PALLD: variants seen among roughly 807,000 people sequenced by gnomAD.
PALLD encodes the protein palladin.
Under a neutral mutation model 123.5 loss-of-function variants are expected in PALLD, and 61 were observed. The ratio of observed to expected loss-of-function variants is 0.49; its 90% CI spans 0.40 to 0.61. The LOEUF (loss-of-function observed/expected upper bound fraction) is 0.61, where lower values mean the gene tolerates loss of function less well. Ranked by LOEUF, PALLD falls within the 20% of genes least tolerant of loss-of-function variation. The probability of loss-of-function intolerance (pLI) is 0.00; values close to 1 mark genes in which losing one functional copy is unlikely to be tolerated. For missense variants in PALLD, 1,273 were observed against 1,377.0 expected, an observed-to-expected ratio of 0.92 and a Z score of 1.20; for synonymous variants, 465 against 496.4, an observed-to-expected ratio of 0.94 and a Z score of 0.84.
chr4:168,538,118 T>C (rs1179157600), intron 2 of PALLD, among the ~76,000 whole-genome samples: 3 of 152,244 alleles, frequency 2.0e-5, no homozygotes, highest in Non-Finnish European at 4.4e-5. Flanking sequence ...CATAAGTATA[T>C]ACTGAAGTAT....
At chr4:168,640,257 C>T (rs1044710348) in intron 2 of PALLD, among the ~76,000 whole-genome samples, 6 of 152,288 alleles carry the variant, frequency 3.9e-5, no homozygotes, top group Admixed American at 6.5e-5. Context: ...AGAACTTTTC[C>T]GATTGAGCTT....
chr4:168,714,164 T>C (rs1399901695), intron 10 of PALLD, among the ~76,000 whole-genome samples: 2 of 152,146 alleles, frequency 1.3e-5, no homozygotes, highest in African/African-American at 2.4e-5. Flanking sequence ...GGATGCTTGA[T>C]GTGACAATTC....
chr4:168,916,061 C>T (rs1760016931), intron 17 of PALLD, 34 bp downstream of exon 17: 2 of 1,589,346 alleles, frequency 1.3e-6, no homozygotes, highest in Non-Finnish European at 1.7e-6. Context: ...TATCCTATTG[C>T]CCCACTTCTC....
intron 9 of PALLD, among the ~76,000 whole-genome samples, chr4:168,709,543 GA>G (rs1784548291): frequency 1.4e-3 from 1 of 696 alleles, no homozygotes; most frequent in African/African-American, 2.8e-3. Flanking sequence ...AGGAAGGAAG[GA>G]AGGAAGGAAG....
rs190471459 is a variant in PALLD, at chr4:168,639,755, A to G, written c.909-28435A>G. On this transcript the variant is annotated intron_variant, in intron 2 of 21. Transcript: ENST00000505667. ...GAGACGGGGTTTCACCGTGTTAGCC[A>G]GGATGGTCTCGATCTTCTGACCTCG... Among the ~76,000 whole-genome samples the G allele has an allele frequency of 3.7e-4, 57 of 152,198 alleles. No individual in the cohort carries two copies. The East Asian group carries it at 6.2e-3, about 17-fold the overall frequency.
At chr4:168,525,144 GAC>G (rs1256686016) in intron 2 of PALLD, among the ~76,000 whole-genome samples, 5 of 152,136 alleles carry the variant, frequency 3.3e-5, no homozygotes, top group Admixed American at 1.3e-4. Flanking sequence ...CAAGCCTGAG[GAC>G]ACACACTGCT....
chr4:168,769,553 A>G (rs1430256123), intron 10 of PALLD, among the ~76,000 whole-genome samples: 1 of 152,190 alleles, frequency 6.6e-6, no homozygotes, highest in Non-Finnish European at 1.5e-5. Context: ...CCTGCCTGCT[A>G]CAATTCTTCT....
intron 10 of PALLD, among the ~76,000 whole-genome samples, chr4:168,848,062 T>A (rs1747148580): frequency 6.6e-6 from 1 of 152,112 alleles, no homozygotes; most frequent in Non-Finnish European, 1.5e-5. Context: ...CTAAGAAAAC[T>A]GAGCCCAGGG....
chr4:168,915,992 G>C lies in PALLD; in HGVS notation c.2815G>C (p.Val939Leu), dbSNP rs778471055. 18 of 1,613,832 alleles carry C rather than the reference G, an allele frequency of 1.1e-5. No individual in the cohort carries two copies. The East Asian group carries it at 3.8e-4, about 34-fold the overall frequency. The change falls in exon 17 of 22, where the codon GTT (valine) becomes CTT (leucine). Residue 939 changes from valine to leucine, a missense_variant. Val to Leu is a conservative substitution (Grantham distance 32). Around this residue, in one of 2 missense-constraint regions of PALLD, gnomAD observed 329 missense variants for 422.5 expected, o/e 0.78. Coordinates refer to ENST00000505667, the MANE Select transcript of PALLD (RefSeq NM_001166108.2). The stretch of plus-strand genomic sequence containing the variant: ...CTTGCAGGCTCCTGGAGATCTGACT[G>C]TTCAAGAAGGAAAACTCTGCAGAAT... ...HFLQAPGDLT[V>L]QEGKLCRMDC... is the part of the protein sequence containing the mutation.
intron 2 of PALLD, among the ~76,000 whole-genome samples, chr4:168,533,879 G>C (rs1309736424): frequency 6.6e-6 from 1 of 152,188 alleles, no homozygotes; most frequent in African/African-American, 2.4e-5. Context: ...CCAAAAAGGA[G>C]AAGGATTTGC....
chr4:168,635,110 A>G (rs1274306484), intron 2 of PALLD, among the ~76,000 whole-genome samples: 1 of 152,218 alleles, frequency 6.6e-6, no homozygotes, highest in Non-Finnish European at 1.5e-5. Context: ...CAGTTATGAA[A>G]GAGACAAGGG....
At chr4:168,555,322 A>G (rs17054339) in intron 2 of PALLD, among the ~76,000 whole-genome samples, 43,479 of 152,044 alleles carry the variant, frequency 0.29, 6,582 homozygotes, top group South Asian at 0.44. Flanking sequence ...AACTGGTTCT[A>G]AGGGTTGAGG....
intron 10 of PALLD, among the ~76,000 whole-genome samples, chr4:168,787,603 G>A (rs1736928166): frequency 6.6e-6 from 1 of 152,230 alleles, no homozygotes; most frequent in Non-Finnish European, 1.5e-5. Flanking sequence ...ATACTGAACA[G>A]TAGAGATATA....
intron 10 of PALLD, among the ~76,000 whole-genome samples, chr4:168,734,286 T>C (rs1457952909): frequency 6.6e-6 from 1 of 152,152 alleles, no homozygotes; most frequent in Non-Finnish European, 1.5e-5. Flanking sequence ...TTTTTTTTTT[T>C]TAAGTGTAAA....
At chr4:168,843,584 G>A (rs1746365043) in intron 10 of PALLD, among the ~76,000 whole-genome samples, 1 of 152,134 alleles carries the variant, frequency 6.6e-6, no homozygotes, top group Non-Finnish European at 1.5e-5. Flanking sequence ...TTGCACAGTA[G>A]TAATTGCTGT....
At chr4:168,645,269 C>T (rs549948424) in intron 2 of PALLD, among the ~76,000 whole-genome samples, 2 of 152,082 alleles carry the variant, frequency 1.3e-5, no homozygotes, top group East Asian at 3.8e-4. Context: ...AATGAGACAA[C>T]ACCTATGGTA....
intron 17 of PALLD, among the ~76,000 whole-genome samples, chr4:168,920,940 A>G (rs1461362345): frequency 6.6e-6 from 1 of 152,092 alleles, no homozygotes; most frequent in Non-Finnish European, 1.5e-5. Flanking sequence ...TCATCCCATT[A>G]ATCTCCATAG....
intron 17 of PALLD, 108 bp downstream of exon 17, chr4:168,916,135 G>A: frequency 9.2e-7 from 1 of 1,090,896 alleles, no homozygotes; most frequent in Non-Finnish European, 1.4e-6. Flanking sequence ...AATGAGAGCT[G>A]GGCACAGTGG....
Position 168,920,354 on chromosome 4 carries a change from C to T in PALLD, c.2851-1180C>T, listed in dbSNP as rs79483371. 2.3e-3 allele frequency among the ~76,000 whole-genome samples: 355 copies of T among 152,308 alleles called. 2 individuals are homozygous for T. Among genetic ancestry groups the T allele is most frequent in the Admixed American group, 3.8e-3 (58 of 15,300 alleles). ...CCTTTGCTACATGTGTGGTGGGAGG[C>T]ATCTTGCAGGTAATATCAGTTGAGT... On this transcript the variant is annotated intron_variant, in intron 17 of 21. Transcript: ENST00000505667.
Sources: gnomAD v4.1 joint callset for allele counts (sites outside exome capture counted in the v4.1 genomes callset) on GRCh38, gnomAD v4.1.1 for gene constraint, gnomAD v4.1.1 regional missense constraint, MANE v1.5 for transcripts, NCBI Gene and HGNC (gene_info 2026-07-23, HGNC 2026-07-21) for gene names.